Variants in LONRF3 observed in about 807,000 individuals in gnomAD.
The protein encoded by LONRF3 is LON peptidase N-terminal domain and ring finger 3.
In LONRF3, 19 loss-of-function variants were observed where a neutral mutation model predicts 51.7. That is an observed-to-expected ratio of 0.37 (90% CI 0.26 to 0.54). LONRF3 has a LOEUF of 0.54. LONRF3 is among the 20% of genes least tolerant of loss of function. The pLI, the probability that LONRF3 is intolerant of heterozygous loss-of-function variation, is 0.86. For synonymous variants in LONRF3, 265 were observed against 257.8 expected (o/e 1.03, Z -0.27); for missense variants, 521 against 623.9 (o/e 0.84, Z 1.76).
chrX:118,985,234 A>G (rs1201946680), intron 3 of LONRF3, among the ~76,000 whole-genome samples: 2 of 111,319 alleles, frequency 1.8e-5, no homozygotes, highest in African/African-American at 6.5e-5. Flanking sequence ...GCACCTTGTG[A>G]TGCTGTGTGG....
intron 5 of LONRF3, among the ~76,000 whole-genome samples, chrX:118,993,151 G>C (rs1188229120): frequency 9.0e-6 from 1 of 110,677 alleles, no homozygotes; most frequent in Non-Finnish European, 1.9e-5. Flanking sequence ...TAGTTCACCA[G>C]CAATGGATCC....
chrX:118,993,636 T>G (rs762214746), intron 5 of LONRF3, among the ~76,000 whole-genome samples: 2 of 111,609 alleles, frequency 1.8e-5, no homozygotes, highest in African/African-American at 3.3e-5. Flanking sequence ...TTCCCCGGCC[T>G]TGTGAGAGAC....
At chrX:119,009,396 G>A (rs1924948804) in intron 7 of LONRF3, 149 bp downstream of exon 7, 6 of 564,653 alleles carry the variant, frequency 1.1e-5, no homozygotes, top group Non-Finnish European at 1.6e-5. Flanking sequence ...ATGGAAATTG[G>A]CAAGTGCTAC....
At chrX:118,979,167 A>AT (rs1235774204) in intron 2 of LONRF3, among the ~76,000 whole-genome samples, 3 of 108,063 alleles carry the variant, frequency 2.8e-5, no homozygotes, top group East Asian at 5.8e-4. Flanking sequence ...CACCTGGCTA[A>AT]TTTTTTGTAT....
chrX:119,013,270 G>A, intron 9 of LONRF3, 69 bp downstream of exon 9: 1 of 1,080,646 alleles, frequency 9.3e-7, no homozygotes, highest in Non-Finnish European at 1.3e-6. Context: ...AAAGATAGTT[G>A]TGAAAGGATT....
chrX:118,975,807 T>C (rs1482435024), intron 1 of LONRF3, among the ~76,000 whole-genome samples: 1 of 109,973 alleles, frequency 9.1e-6, no homozygotes. Flanking sequence ...TTCACTGTGT[T>C]TGTGTTGATC....
chrX:118,975,377 C>T lies in LONRF3; in HGVS notation c.597C>T (p.Leu199=). 3 of 1,207,684 alleles carry T rather than the reference C, an allele frequency of 2.5e-6. No individual in the cohort carries two copies. The highest frequency in any genetic ancestry group is 3.4e-6 in the Non-Finnish European group (3 of 893,888). Residue 199 remains leucine (L), a synonymous_variant, in exon 1 of 11, where the codon CTC becomes CTT. Transcript: ENST00000371628. ...DRRCALCGVK[L]SALMVATGRA... ...GCTGTGCGCTGTGCGGGGTCAAGCTCTCCGCCTTGATGGTGGCCACTGGGC... is the reference window on the plus strand; with the variant it reads ...GCTGTGCGCTGTGCGGGGTCAAGCTTTCCGCCTTGATGGTGGCCACTGGGC...
At position 119,012,812 on chromosome X, in the gene LONRF3, A is replaced by C. The variant is rs968391076; in HGVS notation, c.1812-227A>C. On this transcript the variant is annotated intron_variant, in intron 8 of 10. Coordinates refer to ENST00000371628, the MANE Select transcript of LONRF3 (RefSeq NM_001031855.3). ...ATTCAAACCATAGCACTGGCACAGC[A>C]CATAGTATGTGCTCAATAAATGGTA... 3.9e-4 allele frequency: 354 copies of C among 914,597 alleles called. 1 individual carries two copies. The highest frequency in any genetic ancestry group is 2.9e-4 in the Middle Eastern group (1 of 3,494). 75.4% of individuals were successfully genotyped at this position (914,597 alleles called of 1,213,427 possible). A position where few individuals can be genotyped will look rare whatever the true frequency, so the allele number is the denominator to read the frequency against.
Position 118,978,377 on chromosome X carries a change from T to C in LONRF3, c.850T>C (p.Ser284Pro), listed in dbSNP as rs1922254180. ...PNDHLLYSNR[S>P]QIYFTLESHE... ...TGACCACTTGCTTTATAGCAATCGG[T>C]CTCAGATTTATTTCACCTTGGAGTC... The change falls in exon 2 of 11, where the codon TCT (serine) becomes CCT (proline). Residue 284 changes from serine to proline, a missense_variant. Physicochemically the swap from Ser to Pro is moderately conservative, Grantham distance 74. Transcript: ENST00000371628. 1 of 1,207,762 alleles carries C rather than the reference T, an allele frequency of 8.3e-7. No individual in the cohort carries two copies. The highest frequency in any genetic ancestry group is 2.2e-5 in the Admixed American group (1 of 45,981).
intron 7 of LONRF3, among the ~76,000 whole-genome samples, chrX:119,011,457 G>T (rs13441179): frequency 0.038 from 4,283 of 111,569 alleles, 232 homozygotes; most frequent in African/African-American, 0.13. Flanking sequence ...TGAAAAGATT[G>T]TTTTGAGTGG....
intron 8 of LONRF3, 160 bp from the exon 9 acceptor site, chrX:119,012,879 G>A (rs1603256958): frequency 1.7e-6 from 2 of 1,194,815 alleles, no homozygotes; most frequent in Non-Finnish European, 2.2e-6. Flanking sequence ...TCTTCACACA[G>A]GCACTGCCTG....
intron 10 of LONRF3, among the ~76,000 whole-genome samples, chrX:119,014,608 T>C (rs747601028): frequency 4.9e-4 from 55 of 111,370 alleles, no homozygotes; most frequent in African/African-American, 1.4e-3. Flanking sequence ...CTAAGTAAGA[T>C]AAGAGAATGG....
At chrX:119,012,018 G>A (rs1430150071) in intron 8 of LONRF3, 45 bp downstream of exon 8, 1 of 1,188,273 alleles carries the variant, frequency 8.4e-7, no homozygotes, top group Non-Finnish European at 1.1e-6. Context: ...TGTAATGAGG[G>A]ATTTCTGTTT....
rs1210067455 is a variant in LONRF3 at position 118,975,152 on chromosome X, G to C, written c.372G>C (p.Ala124=). ...CGCAAGGCGAGGCGCTGGCGCCGGC[G>C]CCCCCGGACGAGGGTAGCACTGCAA... ...KVPQGEALAP[A]PPDEGSTASG... is the part of the protein sequence containing the mutation. The change falls in exon 1 of 11, where the codon GCG becomes GCC. Residue 124 remains alanine, a synonymous_variant. Coordinates refer to ENST00000371628, the MANE Select transcript of LONRF3 (RefSeq NM_001031855.3). The C allele has an allele frequency of 1.1e-5, 13 of 1,170,212 alleles. No individual in the cohort carries two copies. The highest frequency in any genetic ancestry group is 1.1e-5 in the Non-Finnish European group (10 of 875,129).
Position 118,975,609 on chromosome X carries a change from G to C in LONRF3, c.817+12G>C. Reference sequence around the variant, plus strand: ...GGCAGTTAAGTTGGGTGAGTCCAACGCGCTGCCGGGCCGGGGCTGGGGCTC... The same window carrying C: ...GGCAGTTAAGTTGGGTGAGTCCAACCCGCTGCCGGGCCGGGGCTGGGGCTC... On this transcript the variant is annotated intron_variant, in intron 1 of 10. Coordinates refer to ENST00000371628, the MANE Select transcript of LONRF3 (RefSeq NM_001031855.3). The C allele has an allele frequency of 8.9e-7, 1 of 1,122,907 alleles. No individual in the cohort carries two copies. The highest frequency in any genetic ancestry group is 2.2e-5 in the South Asian group (1 of 45,379). The allele number at this position is 1,122,907 out of a possible 1,213,427, so 92.5% of individuals were successfully genotyped here.
intron 5 of LONRF3, among the ~76,000 whole-genome samples, chrX:118,990,921 G>A (rs898958787): frequency 2.7e-5 from 3 of 111,091 alleles, no homozygotes; most frequent in Admixed American, 9.5e-5. Flanking sequence ...GCAGTGGTGC[G>A]ATTTCAGCTC....
At chrX:119,007,168 C>A (rs924160514) in intron 6 of LONRF3, among the ~76,000 whole-genome samples, 2 of 112,595 alleles carry the variant, frequency 1.8e-5, no homozygotes, top group Non-Finnish European at 3.8e-5. Context: ...AAACTTGGAT[C>A]CTGGTTCTAA....
intron 6 of LONRF3, among the ~76,000 whole-genome samples, chrX:119,008,642 G>A (rs1319792967): frequency 2.7e-5 from 3 of 112,178 alleles, no homozygotes; most frequent in Non-Finnish European, 3.8e-5. Flanking sequence ...CATTGGGTTA[G>A]GCTGGGAGTG....
chrX:119,011,623 A>G (rs1469503795), intron 7 of LONRF3, among the ~76,000 whole-genome samples, 192 bp from the exon 8 acceptor site: 2 of 112,429 alleles, frequency 1.8e-5, no homozygotes, highest in Non-Finnish European at 3.8e-5. Flanking sequence ...GACTCAGCCC[A>G]CACTATCAAT....
Sources: allele counts gnomAD v4.1 joint callset (sites outside exome capture counted in the v4.1 genomes callset), GRCh38; gene constraint gnomAD v4.1.1; transcripts MANE v1.5; gene names NCBI Gene and HGNC (gene_info 2026-07-23, HGNC 2026-07-21).